The following CSTL1 variants were observed in gnomAD, a reference collection of about 807,000 sequenced individuals.
CSTL1 encodes cystatin-like 1.
A neutral mutation model predicts 14.4 loss-of-function variants in CSTL1; 14 were observed. The observed-to-expected ratio is 0.97, with a 90% CI of 0.64 to 1.52. CSTL1 has a LOEUF of 1.52. CSTL1 is among the 40% of genes most tolerant of loss of function. The pLI is 0.00. For missense variants in CSTL1, 170 were observed against 168.7 expected (o/e 1.01, Z -0.04); for synonymous variants, 72 against 67.5 (o/e 1.07, Z -0.33).
chr20:23,449,365 G>A (rs369214188), downstream of CSTL1, among the ~76,000 whole-genome samples: 13 of 152,078 alleles, frequency 8.5e-5, no homozygotes, highest in African/African-American at 2.7e-4. Flanking sequence ...CCCTCTCCCC[G>A]CAGGGAAATG....
chr20:23,440,113 G>C (rs916621167), intron 1 of CSTL1, 31 bp from the exon 2 acceptor site: 1 of 688,342 alleles, frequency 1.5e-6, no homozygotes, highest in Non-Finnish European at 2.5e-6. Context: ...TGAGTGACAA[G>C]GTTCAGGTCT....
chr20:23,441,571 T>A (rs1344721088), intron 2 of CSTL1, among the ~76,000 whole-genome samples: 1 of 152,208 alleles, frequency 6.6e-6, no homozygotes, highest in Non-Finnish European at 1.5e-5. Context: ...ATGCACATCT[T>A]CCCACATATG....
At chr20:23,447,531 C>T (rs1253030455), downstream of CSTL1, among the ~76,000 whole-genome samples, 3 of 151,252 alleles carry the variant, frequency 2.0e-5, no homozygotes, top group Non-Finnish European at 4.4e-5. Context: ...TGCAGTGGCA[C>T]GATCTTGGCT....
At chr20:23,447,249 G>C (rs1456612019), downstream of CSTL1, among the ~76,000 whole-genome samples, 1 of 152,096 alleles carries the variant, frequency 6.6e-6, no homozygotes, top group Non-Finnish European at 1.5e-5. Flanking sequence ...TTTGTTTCTG[G>C]CTTCTTGAAT....
chr20:23,441,022 G>T (rs1175749903), intron 2 of CSTL1: 1 of 176,548 alleles, frequency 5.7e-6, no homozygotes, highest in Admixed American at 5.8e-5. Context: ...GCCTCCCAAA[G>T]TGCCGGAGTT....
At chr20:23,458,724 C>G in the CSTL1 span, 1 of 152,198 alleles carries the variant, frequency 6.6e-6, no homozygotes, top group Non-Finnish European at 1.5e-5. Context: ...GCCCCTGAAC[C>G]ATTGGAGGTG....
At chr20:23,455,461 C>T in the CSTL1 span, among the ~76,000 whole-genome samples, 1 of 152,194 alleles carries the variant, frequency 6.6e-6, no homozygotes, top group Non-Finnish European at 1.5e-5. Context: ...CTACATGTCT[C>T]CGGCAGAATT....
chr20:23,441,795 G>T (rs892955091), intron 2 of CSTL1, among the ~76,000 whole-genome samples: 11 of 152,294 alleles, frequency 7.2e-5, no homozygotes, highest in Non-Finnish European at 1.6e-4. Context: ...AGAAGTTGGG[G>T]CAGCAACAAT....
chr20:23,446,343 C>T (rs940337700), downstream of CSTL1, among the ~76,000 whole-genome samples: 1 of 152,082 alleles, frequency 6.6e-6, no homozygotes, highest in Admixed American at 6.5e-5. Context: ...GCAGTCTCCG[C>T]CTCCCAGGTT....
At chr20:23,447,862 T>C (rs1397227183), downstream of CSTL1, among the ~76,000 whole-genome samples, 2 of 152,222 alleles carry the variant, frequency 1.3e-5, no homozygotes, top group African/African-American at 4.8e-5. Context: ...CTTTTAAACA[T>C]TGTTTGTTTT....
the CSTL1 span, among the ~76,000 whole-genome samples, chr20:23,460,577 A>G: frequency 1.3e-5 from 2 of 152,180 alleles, no homozygotes; most frequent in Admixed American, 6.6e-5. Flanking sequence ...TTTATTTGCC[A>G]AAGTTAAGGA....
At chr20:23,454,163 C>T in the CSTL1 span, among the ~76,000 whole-genome samples, 4 of 151,036 alleles carry the variant, frequency 2.6e-5, no homozygotes, top group Admixed American at 6.6e-5. Context: ...AACACACATA[C>T]TACACACACA....
Position 23,444,422 on chromosome 20 carries a change from G to A in CSTL1, c.331-349G>A, listed in dbSNP as rs531925565. Among the ~76,000 whole-genome samples the A allele has an allele frequency of 3.9e-5, 6 of 152,326 alleles. No individual in the cohort carries two copies. The South Asian group carries it at 8.3e-4, about 21-fold the overall frequency. Reference sequence around the variant, plus strand: ...TCCTGGTCCATGAGTGGCACCCCTTGAAAGCTGGCAGATACAAGGGGCTCC... The same window carrying A: ...TCCTGGTCCATGAGTGGCACCCCTTAAAAGCTGGCAGATACAAGGGGCTCC... On this transcript the variant is annotated intron_variant, in intron 3 of 3. Transcript: ENST00000347397.
At chr20:23,442,905 G>A (rs1158038091) in intron 2 of CSTL1, among the ~76,000 whole-genome samples, 2 of 152,210 alleles carry the variant, frequency 1.3e-5, no homozygotes, top group African/African-American at 4.8e-5. Context: ...GAACCCGACA[G>A]GGAACCGTAA....
In CSTL1 at chr20:23,444,008, T is replaced by C; in HGVS notation, c.294T>C (p.Asn98=). ...AATGCAAGAGGAATGACACGAGCAATTCTTCCTGCCCCCTGCAAAGCAAGA... is the reference window on the plus strand; with the variant it reads ...AATGCAAGAGGAATGACACGAGCAACTCTTCCTGCCCCCTGCAAAGCAAGA... The part of the protein sequence containing the change: ...WTKCKRNDTS[N]SSCPLQSKKL... Residue 98 remains asparagine, a synonymous_variant, in exon 3 of 4, where the codon AAT becomes AAC. Transcript: ENST00000347397. 1 of 1,614,150 alleles carries C rather than the reference T, an allele frequency of 6.2e-7. No homozygotes were observed. The highest frequency in any genetic ancestry group is 8.5e-7 in the Non-Finnish European group (1 of 1,179,962).
intron 2 of CSTL1, chr20:23,440,703 G>T: frequency 3.1e-6 from 2 of 644,998 alleles, no homozygotes; most frequent in Non-Finnish European, 5.7e-6. Flanking sequence ...GGACTGGCAT[G>T]AACTCTAACT....
At chr20:23,452,177 T>C in the CSTL1 span, among the ~76,000 whole-genome samples, 1 of 152,232 alleles carries the variant, frequency 6.6e-6, no homozygotes, top group Non-Finnish European at 1.5e-5. Flanking sequence ...CTAGTGATTC[T>C]GGATAGGGGT....
At chr20:23,451,205 T>A in the CSTL1 span, among the ~76,000 whole-genome samples, 1 of 152,218 alleles carries the variant, frequency 6.6e-6, no homozygotes, top group Non-Finnish European at 1.5e-5. Context: ...CTTCATTTCT[T>A]CATCCATCTG....
chr20:23,446,502 C>A (rs771408481), downstream of CSTL1, among the ~76,000 whole-genome samples: 4 of 151,954 alleles, frequency 2.6e-5, no homozygotes, highest in African/African-American at 7.3e-5. Flanking sequence ...GTGATCCACC[C>A]GCCTCCGCCT....
Sources: allele counts gnomAD v4.1 joint callset (sites outside exome capture counted in the v4.1 genomes callset), GRCh38; gene constraint gnomAD v4.1.1; transcripts MANE v1.5; gene names NCBI Gene and HGNC (gene_info 2026-07-23, HGNC 2026-07-21).